The following GRIP1 variants were observed in gnomAD, a reference collection of about 807,000 sequenced individuals.
GRIP1 encodes glutamate receptor-interacting protein 1.
GRIP1 carries 45 observed loss-of-function variants against 129.9 expected under a neutral mutation model. The ratio of observed to expected loss-of-function variants is 0.35; its 90% CI spans 0.27 to 0.44. The LOEUF is 0.44. Among genes scored for constraint, GRIP1 ranks in the 20% least tolerant of loss-of-function variants. GRIP1 has a pLI of 1.00. For synonymous variants in GRIP1, 530 were observed against 520.8 expected (o/e 1.02, Z -0.24); for missense variants, 1,196 against 1,396.8 (o/e 0.86, Z 2.29).
chr12:66,457,782 G>A (rs536582542), intron 9 of GRIP1, among the ~76,000 whole-genome samples: 2 of 152,094 alleles, frequency 1.3e-5, no homozygotes, highest in Non-Finnish European at 2.9e-5. Flanking sequence ...AGATCACTGC[G>A]GGGTGAAGCA....
At chr12:66,402,756 T>C (rs1023752742) in intron 16 of GRIP1, among the ~76,000 whole-genome samples, 1 of 152,220 alleles carries the variant, frequency 6.6e-6, no homozygotes, top group African/African-American at 2.4e-5. Flanking sequence ...AGACGAAGCA[T>C]GACAACTATT....
intron 7 of GRIP1, among the ~76,000 whole-genome samples, chr12:66,472,930 GT>G (rs928262079): frequency 7.3e-5 from 11 of 151,668 alleles, no homozygotes; most frequent in Admixed American, 5.3e-4. Context: ...AGCTACAGAA[GT>G]TTTTTTTTCA....
chr12:66,570,304 G>C (rs1216691422), intron 2 of GRIP1, among the ~76,000 whole-genome samples: 3 of 152,040 alleles, frequency 2.0e-5, no homozygotes, highest in African/African-American at 7.3e-5. Context: ...TTTTTGTACA[G>C]GTAGAGTCTT....
chr12:66,825,288 A>C (rs370520325), intron 1 of GRIP1, among the ~76,000 whole-genome samples: 2 of 152,314 alleles, frequency 1.3e-5, no homozygotes, highest in East Asian at 3.9e-4. Context: ...AATTCATTTA[A>C]TAGAGATTTC....
intron 1 of GRIP1, chr12:67,065,040 A>G (rs2043600689): frequency 6.6e-6 from 1 of 151,676 alleles, no homozygotes; most frequent in East Asian, 1.9e-4. Flanking sequence ...ACTGAGAATG[A>G]TGATTTCCAA....
At chr12:66,635,285 G>A (rs1046906007) in intron 1 of GRIP1, among the ~76,000 whole-genome samples, 4 of 151,766 alleles carry the variant, frequency 2.6e-5, no homozygotes, top group African/African-American at 7.3e-5. Context: ...TGGGCGTGGC[G>A]ATGCAGGCTT....
At chr12:66,569,640 A>T (rs2062888067) in intron 2 of GRIP1, among the ~76,000 whole-genome samples, 1 of 152,090 alleles carries the variant, frequency 6.6e-6, no homozygotes, top group African/African-American at 2.4e-5. Context: ...TCAGGGGTGG[A>T]GGTTAGGCCT....
intron 1 of GRIP1, among the ~76,000 whole-genome samples, chr12:66,748,294 T>C (rs769642403): frequency 6.6e-6 from 1 of 152,164 alleles, no homozygotes; most frequent in Non-Finnish European, 1.5e-5. Flanking sequence ...TGGGATTGCA[T>C]GCGTGAGCCA....
intron 1 of GRIP1, among the ~76,000 whole-genome samples, chr12:66,881,218 A>G (rs900656195): frequency 1.3e-5 from 2 of 152,056 alleles, no homozygotes; most frequent in Admixed American, 6.6e-5. Flanking sequence ...GGTTTTGTGT[A>G]TGGTATTGGA....
At chr12:66,477,432 C>T (rs532121802) in intron 7 of GRIP1, among the ~76,000 whole-genome samples, 6 of 151,692 alleles carry the variant, frequency 4.0e-5, no homozygotes, top group African/African-American at 1.2e-4. Flanking sequence ...AGAATCAATA[C>T]CGTGAAAATG....
At chr12:66,593,905 A>G (rs1253310145) in intron 2 of GRIP1, among the ~76,000 whole-genome samples, 2 of 151,808 alleles carry the variant, frequency 1.3e-5, no homozygotes, top group Non-Finnish European at 2.9e-5. Flanking sequence ...CGTCTCTACT[A>G]AAAATACAAA....
chr12:66,564,079 CTG>C (rs1491435118), intron 2 of GRIP1: 3 of 161,432 alleles, frequency 1.9e-5, no homozygotes, highest in Non-Finnish European at 2.8e-5. Flanking sequence ...GGTTTCTTCT[CTG>C]TCTTTTTCAA....
At chr12:66,785,060 T>C (rs2038278348) in intron 1 of GRIP1, among the ~76,000 whole-genome samples, 1 of 152,004 alleles carries the variant, frequency 6.6e-6, no homozygotes, top group Admixed American at 6.6e-5. Flanking sequence ...CTCCACTGAC[T>C]TGTACTGAAT....
chr12:66,548,724 T>C (rs1216468015), intron 2 of GRIP1, among the ~76,000 whole-genome samples: 1 of 152,150 alleles, frequency 6.6e-6, no homozygotes, highest in African/African-American at 2.4e-5. Context: ...ACTTGTTTGA[T>C]TGGTGGATGT....
chr12:66,621,262 C>T (rs2065255888), intron 1 of GRIP1, among the ~76,000 whole-genome samples: 2 of 152,034 alleles, frequency 1.3e-5, no homozygotes, highest in Admixed American at 6.6e-5. Flanking sequence ...ACAATAACTT[C>T]CCATTGTCCC....
intron 2 of GRIP1, among the ~76,000 whole-genome samples, chr12:66,548,406 T>C (rs1049420661): frequency 5.3e-5 from 8 of 152,238 alleles, no homozygotes; most frequent in Non-Finnish European, 1.0e-4. Flanking sequence ...AAGCCATTAC[T>C]GGCCTGCTTA....
chr12:66,908,803 C>A (rs1002792360), intron 1 of GRIP1, among the ~76,000 whole-genome samples: 6 of 152,128 alleles, frequency 3.9e-5, no homozygotes, highest in African/African-American at 1.4e-4. Context: ...GTCTTCATTG[C>A]AGATCTAAGA....
intron 1 of GRIP1, among the ~76,000 whole-genome samples, chr12:66,907,068 T>G (rs190452166): frequency 2.4e-4 from 36 of 152,338 alleles, no homozygotes; most frequent in African/African-American, 7.5e-4. Context: ...GATCCCACAT[T>G]GCACTTTGTC....
At chr12:66,754,497 A>G (rs367880150) in intron 1 of GRIP1, among the ~76,000 whole-genome samples, 11 of 152,204 alleles carry the variant, frequency 7.2e-5, no homozygotes, top group African/African-American at 2.7e-4. Context: ...GCGGGTTTAA[A>G]TAACGAGAGA....
Sources: gnomAD v4.1 joint callset for allele counts (sites outside exome capture counted in the v4.1 genomes callset) on GRCh38, gnomAD v4.1.1 for gene constraint, MANE v1.5 for transcripts, NCBI Gene and HGNC (gene_info 2026-07-23, HGNC 2026-07-21) for gene names.